The following SRRM3 variants were observed in gnomAD, a reference collection of about 807,000 sequenced individuals.
SRRM3 encodes serine/arginine repetitive matrix protein 3.
Under a neutral mutation model 66.2 loss-of-function variants are expected in SRRM3, and 27 were observed. That is an observed-to-expected ratio of 0.41 (90% CI 0.30 to 0.56). The LOEUF (loss-of-function observed/expected upper bound fraction) is 0.56. Among genes scored for constraint, SRRM3 ranks in the 20% least tolerant of loss-of-function variants. The pLI, the probability that SRRM3 is intolerant of heterozygous loss-of-function variation, is 0.32. For synonymous variants in SRRM3, 391 were observed against 414.9 expected (o/e 0.94, Z 0.70); for missense variants, 918 against 991.9 (o/e 0.93, Z 1.00).
chr7:76,254,730 TAA>T (rs1432056255), intron 3 of SRRM3, among the ~76,000 whole-genome samples: 1 of 152,188 alleles, frequency 6.6e-6, no homozygotes, highest in African/African-American at 2.4e-5. Flanking sequence ...TAAGTTTTGC[TAA>T]AGACTATGTT....
chr7:76,265,323 GC>G (rs1801981407), intron 9 of SRRM3, 40 bp from the exon 10 acceptor site: 1 of 1,495,246 alleles, frequency 6.7e-7, no homozygotes, highest in African/African-American at 1.4e-5. Flanking sequence ...ATCACGGGGG[GC>G]AGAATTGAGG....
intron 1 of SRRM3, among the ~76,000 whole-genome samples, chr7:76,218,112 G>T (rs552155593): frequency 6.6e-6 from 1 of 152,200 alleles, no homozygotes; most frequent in African/African-American, 2.4e-5. Context: ...TCCCAGGTGT[G>T]AGCCTGGAGC....
chr7:76,241,549 G>A (rs1801296159), intron 2 of SRRM3, among the ~76,000 whole-genome samples: 1 of 152,096 alleles, frequency 6.6e-6, no homozygotes, highest in Admixed American at 6.6e-5. Context: ...CATTGCCCAG[G>A]CTGGAGTGCA....
chr7:76,218,964 C>T (rs113450396), intron 1 of SRRM3, among the ~76,000 whole-genome samples: 238 of 152,250 alleles, frequency 1.6e-3, no homozygotes, highest in African/African-American at 5.3e-3. Flanking sequence ...AAGCAATTCT[C>T]CTGCCTCAGC....
chr7:76,229,677 G>A (rs967970790), intron 1 of SRRM3, among the ~76,000 whole-genome samples: 24 of 150,634 alleles, frequency 1.6e-4, no homozygotes, highest in Middle Eastern at 6.9e-3. Context: ...TCCAATTTTA[G>A]TTTGGGACCC....
intron 2 of SRRM3, among the ~76,000 whole-genome samples, chr7:76,237,831 C>G (rs372886166): frequency 4.0e-5 from 6 of 151,886 alleles, no homozygotes; most frequent in East Asian, 3.9e-4. Flanking sequence ...AGCCCTCCCC[C>G]TCAAAGACCT....
chr7:76,224,474 T>C (rs1373588895), intron 1 of SRRM3, among the ~76,000 whole-genome samples: 1 of 149,730 alleles, frequency 6.7e-6, no homozygotes, highest in African/African-American at 2.5e-5. Context: ...CCCTGGTCTC[T>C]TTTTTGCTCC....
At chr7:76,264,443 GGT>G (rs1206922280) in intron 8 of SRRM3, among the ~76,000 whole-genome samples, 3 of 152,166 alleles carry the variant, frequency 2.0e-5, no homozygotes, top group African/African-American at 7.2e-5. Context: ...TGAGATTAAA[GGT>G]GTGAGCCACC....
At chr7:76,277,568 C>A (rs945359647) in intron 11 of SRRM3, among the ~76,000 whole-genome samples, 1 of 151,914 alleles carries the variant, frequency 6.6e-6, no homozygotes, top group Non-Finnish European at 1.5e-5. Flanking sequence ...TGGTGGCTCA[C>A]GCCTGTAATC....
rs1458538637 is a variant in SRRM3, at chr7:76,265,447, G to A, written c.809G>A (p.Ser270Asn). ...SHSPSLSSHY[S>N]DSRSPSRLSP... ...AGCCCCTCCCTCTCCTCCCACTACA[G>A]TGATTCCAGATCTCCCAGCAGGTAG... The change falls in exon 10 of 15, where the codon AGT (serine) becomes AAT (asparagine). Residue 270 changes from serine to asparagine, a missense_variant. Physicochemically the swap from Ser to Asn is conservative, Grantham distance 46 (BLOSUM62 1). Coordinates refer to ENST00000611745, the MANE Select transcript of SRRM3 (RefSeq NM_001110199.3). The A allele has an allele frequency of 3.7e-6, 6 of 1,603,800 alleles. No homozygotes were observed. The highest frequency in any genetic ancestry group is 5.1e-6 in the Non-Finnish European group (6 of 1,175,520).
intron 3 of SRRM3, among the ~76,000 whole-genome samples, chr7:76,258,646 G>A (rs1368801872): frequency 1.3e-5 from 2 of 149,462 alleles, no homozygotes; most frequent in African/African-American, 4.9e-5. Flanking sequence ...CCCAGCAGGC[G>A]GAGGATGCAG....
In SRRM3 at chr7:76,211,238, G is replaced by A. The variant is rs576123107; in HGVS notation, c.-40+9171G>A. ...AACTTTTGAGCCGGCCTCACAGATGGAGCTCGTAGAATGAATGCAGGTTTG... is the reference window on the plus strand; with the variant it reads ...AACTTTTGAGCCGGCCTCACAGATGAAGCTCGTAGAATGAATGCAGGTTTG... On this transcript the variant is annotated intron_variant, in intron 1 of 14. Coordinates refer to ENST00000611745, the MANE Select transcript of SRRM3 (RefSeq NM_001110199.3). Among the ~76,000 whole-genome samples, 3 of 152,346 alleles carry A rather than the reference G, an allele frequency of 2.0e-5. No homozygotes were observed. The South Asian group carries it at 6.2e-4, about 32-fold the overall frequency.
chr7:76,219,838 A>G (rs1000559366), intron 1 of SRRM3, among the ~76,000 whole-genome samples: 11 of 150,806 alleles, frequency 7.3e-5, no homozygotes, highest in South Asian at 6.3e-4. Flanking sequence ...GGAACCCAGG[A>G]GGTGGAGGTT....
At chr7:76,267,545 G>T in intron 11 of SRRM3, 110 bp downstream of exon 11, 1 of 419,998 alleles carries the variant, frequency 2.4e-6, no homozygotes, top group Non-Finnish European at 3.6e-6. Flanking sequence ...GGGGGCGGGG[G>T]CGGGGGCGGC....
At chr7:76,280,131 GA>G (rs1802456617) in intron 11 of SRRM3, among the ~76,000 whole-genome samples, 1 of 146,370 alleles carries the variant, frequency 6.8e-6, no homozygotes, top group African/African-American at 2.5e-5. Context: ...AAAAAAAAAA[GA>G]AAAAGAAAAA....
At chr7:76,275,097 C>A (rs1185152938) in intron 11 of SRRM3, among the ~76,000 whole-genome samples, 5 of 144,740 alleles carry the variant, frequency 3.5e-5, no homozygotes, top group Non-Finnish European at 7.5e-5. Flanking sequence ...CAGAACAAGA[C>A]TCAGTCTCAA....
chr7:76,205,001 C>T lies in SRRM3; in HGVS notation c.-40+2934C>T, dbSNP rs141076861. ...CAGCCTCCTGCCCCTCAGTGAGTTC[C>T]CCCTCTTGATCCCCTCTCTCCTCAT... On this transcript the variant is annotated intron_variant, in intron 1 of 14. Coordinates refer to ENST00000611745, the MANE Select transcript of SRRM3 (RefSeq NM_001110199.3). 6.0e-3 allele frequency among the ~76,000 whole-genome samples: 916 copies of T among 151,984 alleles called. 7 individuals carry two copies. The highest frequency in any genetic ancestry group is 9.6e-3 in the Admixed American group (147 of 15,258).
At chr7:76,223,163 G>A (rs1169470385) in intron 1 of SRRM3, among the ~76,000 whole-genome samples, 1 of 151,990 alleles carries the variant, frequency 6.6e-6, no homozygotes, top group Non-Finnish European at 1.5e-5. Context: ...CATTTCTCTC[G>A]TGTCCTCTGG....
rs1554611292 is a variant in SRRM3 at position 76,277,510 on chromosome 7, AT to A, written c.1009-3930del. Among the ~76,000 whole-genome samples, 131 of 152,030 alleles carry A rather than the reference AT, an allele frequency of 8.6e-4. 2 individuals are homozygous for A. Among genetic ancestry groups the A allele is most frequent in the Non-Finnish European group, 2.6e-4 (18 of 67,952 alleles). On this transcript the variant is annotated intron_variant, in intron 11 of 14. Coordinates refer to ENST00000611745, the MANE Select transcript of SRRM3 (RefSeq NM_001110199.3). ...GGAATTCGAGACCAGCCTGGCCAAC[AT>A]GGTGAAACCCCGTCTCTACTAAAAA...
Sources: gnomAD v4.1 joint callset for allele counts (sites outside exome capture counted in the v4.1 genomes callset) on GRCh38, gnomAD v4.1.1 for gene constraint, MANE v1.5 for transcripts, NCBI Gene and HGNC (gene_info 2026-07-23, HGNC 2026-07-21) for gene names.